CDH3: variants seen among roughly 807,000 people sequenced by gnomAD.
The protein encoded by CDH3 is cadherin-3.
Under a neutral mutation model 82.0 loss-of-function variants are expected in CDH3, and 54 were observed. The ratio of observed to expected loss-of-function variants is 0.66; its 90% confidence interval spans 0.53 to 0.83. CDH3 has a LOEUF of 0.83. Among genes scored for constraint, CDH3 ranks in the 40% least tolerant of loss-of-function variants. The pLI is 0.00. For missense variants in CDH3, 1,054 were observed against 1,084.6 expected (o/e 0.97, Z 0.40); for synonymous variants, 446 against 437.9 (o/e 1.02, Z -0.23).
intron 2 of CDH3, among the ~76,000 whole-genome samples, chr16:68,663,324 G>A (rs866134634): frequency 1.3e-4 from 20 of 150,334 alleles, no homozygotes; most frequent in African/African-American, 4.2e-4. Context: ...TCTGCCTCCC[G>A]GGTTCACGCC....
intron 8 of CDH3, 33 bp from the exon 9 acceptor site, chr16:68,682,269 G>A: frequency 6.2e-7 from 1 of 1,606,408 alleles, no homozygotes; most frequent in Non-Finnish European, 8.5e-7. Flanking sequence ...GTCATTCTCT[G>A]CTCTGATAGT....
At position 68,695,235 on chromosome 16, in the gene CDH3, A is replaced by T. The variant is rs1224671768; in HGVS notation, c.2003-20A>T. ...CTGTGTGGTTACAGAGGGAGCACTC[A>T]CACTCCCCAACCCTTGCAGTCCTCC... is the stretch of plus-strand genomic sequence containing the variant. On this transcript the variant is annotated intron_variant, in intron 13 of 15. Coordinates refer to ENST00000264012, the MANE Select transcript of CDH3 (RefSeq NM_001793.6). The T allele has an allele frequency of 2.5e-6, 4 of 1,614,062 alleles. No individual in the cohort carries two copies. Among genetic ancestry groups the T allele is most frequent in the Non-Finnish European group, 3.4e-6 (4 of 1,179,958 alleles).
chr16:68,676,041 T>C (rs1961025321), intron 2 of CDH3, among the ~76,000 whole-genome samples: 1 of 152,170 alleles, frequency 6.6e-6, no homozygotes, highest in South Asian at 2.1e-4. Context: ...CAGAAAATCT[T>C]CTGCCTCTAG....
rs780340507 is a variant in CDH3, at chr16:68,698,174, G to A, written c.2281-17G>A. The A allele has an allele frequency of 6.2e-7, 1 of 1,613,944 alleles. No homozygotes were observed. The highest frequency in any genetic ancestry group is 8.5e-7 in the Non-Finnish European group (1 of 1,179,842). ...CAGGACCCGCCGCTCCTAACTACCT[G>A]TTCTCTGTTGCCGCAGAACCTGAAG... On this transcript the variant is annotated splice_polypyrimidine_tract_variant and intron_variant, in intron 15 of 15. Transcript: ENST00000264012.
rs1184920554 is a variant in CDH3 at position 68,695,255 on chromosome 16, T to C, written c.2003T>C (p.Phe668Ser). 1.2e-6 allele frequency: 2 copies of C among 1,614,086 alleles called. No homozygotes were observed. Among genetic ancestry groups the C allele is most frequent in the African/African-American group, 1.3e-5 (1 of 75,008 alleles). Residue 668 changes from phenylalanine to serine, a missense_variant and splice_region_variant, in exon 14 of 16, where the codon TTC becomes TCC. Phe to Ser is a radical substitution (Grantham distance 155). Transcript: ENST00000264012. ...CACTCACACTCCCCAACCCTTGCAG[T>C]CCTCCTGCTGGTGCTGCTTTTGTTG... ...PVLGAVLALL[F>S]LLLVLLLLVR...
At chr16:68,709,017 G>A (rs1020700092) in intron 1 of CDH3, among the ~76,000 whole-genome samples, 1 of 152,174 alleles carries the variant, frequency 6.6e-6, no homozygotes, top group Non-Finnish European at 1.5e-5. Context: ...GAACTCAGGT[G>A]ATCTGCCCAC....
chr16:68,720,581 G>A (rs906870313), intron 1 of CDH3, among the ~76,000 whole-genome samples: 1 of 151,816 alleles, frequency 6.6e-6, no homozygotes, highest in Non-Finnish European at 1.5e-5. Context: ...AGAAGGGTAG[G>A]GCAAGACAAT....
At chr16:68,715,836 A>C (rs1962089266) in intron 1 of CDH3, among the ~76,000 whole-genome samples, 1 of 152,200 alleles carries the variant, frequency 6.6e-6, no homozygotes, top group Non-Finnish European at 1.5e-5. Context: ...TGGTGGGCAC[A>C]ACATATGGTT....
intron 1 of CDH3, among the ~76,000 whole-genome samples, chr16:68,713,629 T>A (rs140356780): frequency 7.9e-4 from 120 of 152,128 alleles, no homozygotes; most frequent in Admixed American, 2.2e-3. Context: ...TCCCATCACA[T>A]CCCTTCTCTG....
At chr16:68,692,193 C>T (rs1357943620) in intron 13 of CDH3, among the ~76,000 whole-genome samples, 2 of 152,146 alleles carry the variant, frequency 1.3e-5, no homozygotes, top group Non-Finnish European at 2.9e-5. Context: ...TGGGCCACCA[C>T]GCCCAGCTCA....
At chr16:68,648,731 G>A (rs1294123030) in intron 2 of CDH3, among the ~76,000 whole-genome samples, 5 of 152,052 alleles carry the variant, frequency 3.3e-5, no homozygotes, top group Admixed American at 1.3e-4. Flanking sequence ...TGACAGGTAC[G>A]ATCCACTGTG....
At chr16:68,720,568 A>G (rs1279082079) in intron 1 of CDH3, among the ~76,000 whole-genome samples, 1 of 152,080 alleles carries the variant, frequency 6.6e-6, no homozygotes, top group Non-Finnish European at 1.5e-5. Context: ...GTTTTTTCAC[A>G]TCAGAAGGGT....
chr16:68,674,638 G>A (rs1355719927), intron 2 of CDH3, among the ~76,000 whole-genome samples: 2 of 152,132 alleles, frequency 1.3e-5, no homozygotes, highest in African/African-American at 4.8e-5. Context: ...AGGAGGCTGA[G>A]GCAGGAGAAC....
In CDH3 at chr16:68,678,202, C is replaced by A. The variant is rs369712865; in HGVS notation, c.315C>A (p.His105Gln). ...IFPSKRILRR[H>Q]KRDWVVAPIS... ...CATCCAAACGTATCTTACGAAGACACAAGAGAGATTGGGTGGTTGCTCCAA... is the reference window on the plus strand; with the variant it reads ...CATCCAAACGTATCTTACGAAGACAAAAGAGAGATTGGGTGGTTGCTCCAA... Residue 105 changes from histidine (H) to glutamine (Q), a missense_variant, in exon 4 of 16, where the codon CAC (histidine) becomes CAA (glutamine). His to Gln is a conservative substitution (Grantham distance 24). Transcript: ENST00000264012. The A allele has an allele frequency of 1.2e-6, 2 of 1,613,658 alleles. No homozygotes were observed. Among genetic ancestry groups the A allele is most frequent in the Admixed American group, 1.7e-5 (1 of 60,024 alleles).
chr16:68,720,290 G>T (rs951899521), intron 1 of CDH3, among the ~76,000 whole-genome samples: 4 of 151,866 alleles, frequency 2.6e-5, no homozygotes, highest in African/African-American at 9.7e-5. Context: ...GAAAGAAAGA[G>T]AGCGTGAGAT....
chr16:68,656,393 C>T (rs1960411893), intron 2 of CDH3, among the ~76,000 whole-genome samples: 1 of 152,168 alleles, frequency 6.6e-6, no homozygotes, highest in Admixed American at 6.5e-5. Context: ...AGTCACCTGG[C>T]ATTGCCAACC....
chr16:68,707,031 G>A lies in CDH3; in HGVS notation c.99+11108G>A, dbSNP rs1961973440. On this transcript the variant is annotated intron_variant, in intron 1 of 2. Transcript: ENST00000569080. The surrounding 1 kb of genome is among the most constrained non-coding windows in gnomAD (Gnocchi z 4.5). ...AAATGGAGCTGGGATGGGGCCTAGG[G>A]AGGAAGGGCCTGGGGGTAGGGCTCA... is the stretch of plus-strand genomic sequence containing the variant. 6.6e-6 allele frequency among the ~76,000 whole-genome samples: 1 copy of A among 152,196 alleles called. No homozygotes were observed. The highest frequency in any genetic ancestry group is 1.5e-5 in the Non-Finnish European group (1 of 68,032).
downstream of CDH3, among the ~76,000 whole-genome samples, chr16:68,729,132 C>T (rs1159227927): frequency 2.0e-5 from 3 of 152,042 alleles, no homozygotes; most frequent in Non-Finnish European, 4.4e-5. Context: ...TGATGAAACC[C>T]CGTCTCTACT....
chr16:68,661,816 G>A (rs532860614), intron 2 of CDH3, among the ~76,000 whole-genome samples: 1 of 152,178 alleles, frequency 6.6e-6, no homozygotes, highest in African/African-American at 2.4e-5. Context: ...AGCCTCCCAA[G>A]TAGCTGGAAT....
Sources: allele counts gnomAD v4.1 joint callset (sites outside exome capture counted in the v4.1 genomes callset), GRCh38; gene constraint gnomAD v4.1.1; non-coding constraint Gnocchi (gnomAD v3.1); transcripts MANE v1.5; gene names NCBI Gene and HGNC (gene_info 2026-07-23, HGNC 2026-07-21).